Variants in CREBRF observed in about 807,000 individuals in gnomAD.
The protein encoded by CREBRF is CREB3 regulatory factor.
A neutral mutation model predicts 66.1 loss-of-function variants in CREBRF; 5 were observed. That is an observed-to-expected ratio of 0.08 (90% CI 0.04 to 0.16). The LOEUF (loss-of-function observed/expected upper bound fraction) is 0.16. Ranked by LOEUF, CREBRF falls within the 10% of genes least tolerant of loss-of-function variation. The pLI, the probability that CREBRF is intolerant of heterozygous loss-of-function variation, is 1.00. For synonymous variants in CREBRF, 229 were observed against 264.4 expected (o/e 0.87, Z 1.30); for missense variants, 531 against 744.9 (o/e 0.71, Z 3.34).
At position 173,115,863 on chromosome 5, in the gene CREBRF, G is replaced by T. The variant is rs367814418; in HGVS notation, c.1681+3484G>T. Among the ~76,000 whole-genome samples the T allele has an allele frequency of 3.3e-5, 5 of 152,178 alleles. No homozygotes were observed. In the East Asian group the frequency reaches 5.8e-4, roughly 18 times the overall value. On this transcript the variant is annotated intron_variant, in intron 7 of 8. Coordinates refer to ENST00000296953, the MANE Select transcript of CREBRF (RefSeq NM_153607.3). ...CTGACCTCGTGATCCGCCCGCCTCG[G>T]CCTCCCAAAGTGCTGGGATTACAGG...
chr5:173,127,614 C>T (rs902037293), intron 8 of CREBRF, among the ~76,000 whole-genome samples: 13 of 151,796 alleles, frequency 8.6e-5, no homozygotes, highest in South Asian at 8.3e-4. Context: ...CGCATGCCAC[C>T]GCGCCCGGCT....
intron 8 of CREBRF, among the ~76,000 whole-genome samples, chr5:173,132,385 C>T (rs1161330570): frequency 7.0e-6 from 1 of 142,030 alleles, no homozygotes; most frequent in Non-Finnish European, 1.5e-5. Flanking sequence ...CTGCGCCCAG[C>T]CGACAAATTC....
At chr5:173,115,081 A>C (rs1477765639) in intron 7 of CREBRF, among the ~76,000 whole-genome samples, 1 of 150,122 alleles carries the variant, frequency 6.7e-6, no homozygotes, top group African/African-American at 2.5e-5. Context: ...TAGATTTTAT[A>C]GTGTTTTTTC....
At chr5:173,116,602 T>C (rs1758996419) in intron 7 of CREBRF, among the ~76,000 whole-genome samples, 1 of 152,248 alleles carries the variant, frequency 6.6e-6, no homozygotes, top group Non-Finnish European at 1.5e-5. Context: ...ATTGTATGGA[T>C]GTACTACAAT....
intron 4 of CREBRF, among the ~76,000 whole-genome samples, chr5:173,101,791 C>G (rs1049806582): frequency 6.6e-6 from 1 of 152,026 alleles, no homozygotes; most frequent in African/African-American, 2.4e-5. Context: ...CTCAGGTGAT[C>G]TGCCCCATCG....
chr5:173,128,984 G>C (rs1759339695), intron 8 of CREBRF, among the ~76,000 whole-genome samples: 1 of 151,276 alleles, frequency 6.6e-6, no homozygotes. Context: ...GTTTCACCAT[G>C]TTAGCCAGGA....
chr5:173,065,725 G>A (rs886552937), intron 1 of CREBRF, among the ~76,000 whole-genome samples: 3 of 147,032 alleles, frequency 2.0e-5, no homozygotes, highest in Middle Eastern at 3.5e-3. Context: ...GTTCACTGCA[G>A]CCTTGACCTG....
chr5:173,100,131 A>ATATT (rs1554125245), intron 4 of CREBRF, among the ~76,000 whole-genome samples: 3 of 42,860 alleles, frequency 7.0e-5, no homozygotes, highest in African/African-American at 2.9e-4. Flanking sequence ...TATATATATA[A>ATATT]TTTTTTTTTT....
intron 8 of CREBRF, 195 bp downstream of exon 8, chr5:173,123,397 A>G: frequency 2.1e-6 from 1 of 486,324 alleles, no homozygotes. Flanking sequence ...ACAACTTGTA[A>G]TTTAGACTTA....
intron 1 of CREBRF, among the ~76,000 whole-genome samples, chr5:173,075,272 A>G (rs1757726464): frequency 6.6e-6 from 1 of 152,184 alleles, no homozygotes; most frequent in East Asian, 1.9e-4. Flanking sequence ...ACTGCTATCA[A>G]AGGGTAAAAT....
At chr5:173,072,617 C>T (rs1207623098) in intron 1 of CREBRF, among the ~76,000 whole-genome samples, 2 of 139,380 alleles carry the variant, frequency 1.4e-5, no homozygotes, top group African/African-American at 2.7e-5. Context: ...TTTGTAGAGA[C>T]AGGGTCTCAC....
At chr5:173,099,857 A>G (rs1249785856) in intron 4 of CREBRF, among the ~76,000 whole-genome samples, 1 of 148,156 alleles carries the variant, frequency 6.7e-6, no homozygotes, top group Non-Finnish European at 1.5e-5. Context: ...ATCTTTTCAT[A>G]TTGTGTATCC....
At chr5:173,073,891 T>C (rs1196561258) in intron 1 of CREBRF, among the ~76,000 whole-genome samples, 2 of 151,910 alleles carry the variant, frequency 1.3e-5, no homozygotes, top group Non-Finnish European at 2.9e-5. Context: ...TGCTTGAACC[T>C]GGGAGGCGGA....
chr5:173,087,088 A>T (rs1396206114), intron 3 of CREBRF, among the ~76,000 whole-genome samples: 1 of 151,982 alleles, frequency 6.6e-6, no homozygotes, highest in Non-Finnish European at 1.5e-5. Context: ...CTGGGATTAC[A>T]GCCACCTGGC....
chr5:173,111,317 C>A (rs1758865986), intron 6 of CREBRF, among the ~76,000 whole-genome samples: 1 of 151,968 alleles, frequency 6.6e-6, no homozygotes, highest in South Asian at 2.1e-4. Flanking sequence ...CTCTGTCACA[C>A]AGGCAGTGGC....
intron 4 of CREBRF, among the ~76,000 whole-genome samples, chr5:173,092,866 G>A (rs1758384312): frequency 6.6e-6 from 1 of 152,178 alleles, no homozygotes; most frequent in African/African-American, 2.4e-5. Context: ...TGGAAGAAAA[G>A]GGATTGTGCC....
chr5:173,079,984 C>G (rs1757888466), intron 1 of CREBRF, among the ~76,000 whole-genome samples: 1 of 152,202 alleles, frequency 6.6e-6, no homozygotes, highest in African/African-American at 2.4e-5. Flanking sequence ...CGTTTTCCCT[C>G]AAACATACAC....
intron 4 of CREBRF, among the ~76,000 whole-genome samples, chr5:173,101,212 AC>A (rs899956129): frequency 3.4e-4 from 43 of 126,094 alleles, no homozygotes; most frequent in Non-Finnish European, 3.4e-5. Flanking sequence ...ATGCCACCAC[AC>A]CCAGCTAATT....
At chr5:173,068,055 C>T in intron 1 of CREBRF, 1 of 424,204 alleles carries the variant, frequency 2.4e-6, no homozygotes, top group Non-Finnish European at 4.7e-6. Context: ...TATATCCTCC[C>T]AGTAGAGTGC....
Sources: allele counts gnomAD v4.1 joint callset (sites outside exome capture counted in the v4.1 genomes callset), GRCh38; gene constraint gnomAD v4.1.1; transcripts MANE v1.5; gene names NCBI Gene and HGNC (gene_info 2026-07-23, HGNC 2026-07-21).